The following SEMA5A variants were observed in gnomAD, a reference collection of about 807,000 sequenced individuals.
SEMA5A encodes the protein semaphorin 5A, also known as semaphorin-5A.
Under a neutral mutation model 135.5 loss-of-function variants are expected in SEMA5A, and 55 were observed. The ratio of observed to expected loss-of-function variants is 0.41; its 90% CI spans 0.33 to 0.51. SEMA5A has a LOEUF of 0.51. SEMA5A is among the 20% of genes least tolerant of loss of function. The probability of loss-of-function intolerance (pLI) is 0.37; values close to 1 mark genes in which losing one functional copy is unlikely to be tolerated. For synonymous variants in SEMA5A, 580 were observed against 546.5 expected, an observed-to-expected ratio of 1.06 and a Z score of -0.85; for missense variants, 1,290 against 1,419.9, an observed-to-expected ratio of 0.91 and a Z score of 1.47.
intron 12 of SEMA5A, among the ~76,000 whole-genome samples, chr5:9,145,028 T>A (rs1160024807): frequency 6.6e-6 from 1 of 150,622 alleles, no homozygotes; most frequent in African/African-American, 2.4e-5. Context: ...CATTTTTACT[T>A]TTTTTTTTTC....
intron 8 of SEMA5A, among the ~76,000 whole-genome samples, chr5:9,217,512 A>G (rs1746696364): frequency 6.6e-6 from 1 of 152,120 alleles, no homozygotes; most frequent in African/African-American, 2.4e-5. Context: ...CATTCTCTGT[A>G]TTTCCTAAAT....
In SEMA5A at chr5:9,433,984, G is replaced by T. The variant is rs377069166; in HGVS notation, c.-78+3772C>A. On this transcript the variant is annotated intron_variant, in intron 2 of 22. Transcript: ENST00000382496. ...ACAATTGCTATTGTTTTTGAAGCAT[G>T]TACTTCATGCACCAAATACAGTGAC... Among the ~76,000 whole-genome samples, 14 of 152,238 alleles carry T rather than the reference G, an allele frequency of 9.2e-5. No homozygotes were observed. The East Asian group carries it at 9.7e-4, about 11-fold the overall frequency.
chr5:9,267,779 C>A (rs1355634562), intron 5 of SEMA5A, among the ~76,000 whole-genome samples: 1 of 151,924 alleles, frequency 6.6e-6, no homozygotes, highest in Non-Finnish European at 1.5e-5. Flanking sequence ...TGGGCATGGG[C>A]GAAGTGGATA....
chr5:9,396,748 C>T (rs1223926191), intron 2 of SEMA5A, among the ~76,000 whole-genome samples: 3 of 152,302 alleles, frequency 2.0e-5, no homozygotes, highest in Non-Finnish European at 4.4e-5. Flanking sequence ...CTGCAAGCCT[C>T]GGTTTTCTTC....
At position 9,042,798 on chromosome 5, in the gene SEMA5A, A is replaced by G. The variant is rs1736031936; in HGVS notation, c.*99T>C. On this transcript the variant is annotated 3_prime_UTR_variant, in exon 23 of 23. Transcript: ENST00000382496. ...GTGGCTTGAAATGCACTTGAAATGTATCCAAACTTCGACTCTGAAGCCTCA... is the reference window on the plus strand; with the variant it reads ...GTGGCTTGAAATGCACTTGAAATGTGTCCAAACTTCGACTCTGAAGCCTCA... 1.4e-6 allele frequency: 2 copies of G among 1,452,582 alleles called. No individual in the cohort carries two copies. The highest frequency in any genetic ancestry group is 1.9e-6 in the Non-Finnish European group (2 of 1,047,958). The allele number at this position is 1,452,582 out of a possible 1,614,324, so 90.0% of individuals were successfully genotyped here. A position where few individuals can be genotyped will look rare whatever the true frequency, so the allele number is the denominator to read the frequency against.
At chr5:9,398,611 C>T (rs754543307) in intron 2 of SEMA5A, among the ~76,000 whole-genome samples, 1 of 152,210 alleles carries the variant, frequency 6.6e-6, no homozygotes, top group Non-Finnish European at 1.5e-5. Flanking sequence ...TGAAGAACTG[C>T]AATTCAGGTA....
intron 1 of SEMA5A, among the ~76,000 whole-genome samples, chr5:9,494,682 T>A (rs888629289): frequency 2.6e-5 from 4 of 151,770 alleles, no homozygotes; most frequent in Non-Finnish European, 5.9e-5. Flanking sequence ...CCTAATTTTT[T>A]AATTCTGTGC....
chr5:9,520,961 C>T (rs144854947), intron 1 of SEMA5A, among the ~76,000 whole-genome samples: 1 of 152,152 alleles, frequency 6.6e-6, no homozygotes, highest in African/African-American at 2.4e-5. Flanking sequence ...TAGAGCGTGG[C>T]CTTCAGTGAG....
chr5:9,389,636 T>G (rs1187916727), intron 2 of SEMA5A, among the ~76,000 whole-genome samples: 2 of 152,126 alleles, frequency 1.3e-5, no homozygotes, highest in Non-Finnish European at 2.9e-5. Context: ...TTAGAACCCA[T>G]GCCCTCCTCT....
intron 5 of SEMA5A, among the ~76,000 whole-genome samples, chr5:9,248,961 A>G (rs1370241251): frequency 6.6e-6 from 1 of 152,200 alleles, no homozygotes; most frequent in Non-Finnish European, 1.5e-5. Flanking sequence ...CACAGCAGCC[A>G]TACAAAACTA....
intron 2 of SEMA5A, among the ~76,000 whole-genome samples, chr5:9,432,084 A>G (rs971341450): frequency 2.6e-5 from 4 of 152,204 alleles, no homozygotes; most frequent in Admixed American, 2.6e-4. Flanking sequence ...ATTCCAATGC[A>G]TTCTGATGGA....
intron 2 of SEMA5A, among the ~76,000 whole-genome samples, chr5:9,434,503 C>T (rs997887242): frequency 2.6e-5 from 4 of 151,940 alleles, no homozygotes; most frequent in Admixed American, 6.6e-5. Flanking sequence ...AGTGCAAACA[C>T]CTGTACTCCA....
chr5:9,226,845 T>C (rs761027555), intron 7 of SEMA5A, 24 bp downstream of exon 7: 12 of 1,573,536 alleles, frequency 7.6e-6, no homozygotes, highest in Non-Finnish European at 8.7e-6. Context: ...TTAAATTCTT[T>C]TGAGGCACAA....
chr5:9,389,626 T>C (rs757701642), intron 2 of SEMA5A, among the ~76,000 whole-genome samples: 2 of 152,128 alleles, frequency 1.3e-5, no homozygotes, highest in African/African-American at 2.4e-5. Flanking sequence ...TTACCCACAT[T>C]TAGAACCCAT....
intron 5 of SEMA5A, among the ~76,000 whole-genome samples, chr5:9,292,358 T>G (rs1456751574): frequency 6.6e-6 from 1 of 152,124 alleles, no homozygotes; most frequent in Non-Finnish European, 1.5e-5. Flanking sequence ...TCTAAAACCT[T>G]AAGGAAAACA....
intron 3 of SEMA5A, among the ~76,000 whole-genome samples, chr5:9,378,704 T>C (rs548176970): frequency 2.0e-5 from 3 of 152,322 alleles, no homozygotes; most frequent in Non-Finnish European, 4.4e-5. Flanking sequence ...TCAAGAAATA[T>C]ACCAACCAAT....
intron 13 of SEMA5A, among the ~76,000 whole-genome samples, chr5:9,135,142 T>TTGC (rs1026199245): frequency 5.9e-5 from 9 of 151,810 alleles, no homozygotes; most frequent in African/African-American, 2.2e-4. Flanking sequence ...CCAGACTTCC[T>TTGC]TGCTTCATCC....
At chr5:9,484,144 T>C (rs1048421399) in intron 1 of SEMA5A, among the ~76,000 whole-genome samples, 2 of 152,238 alleles carry the variant, frequency 1.3e-5, no homozygotes, top group Non-Finnish European at 2.9e-5. Flanking sequence ...GAACAGATTT[T>C]CAACTTGAAA....
At chr5:9,373,784 G>T (rs982116001) in intron 3 of SEMA5A, among the ~76,000 whole-genome samples, 5 of 152,174 alleles carry the variant, frequency 3.3e-5, no homozygotes, top group Non-Finnish European at 5.9e-5. Context: ...AGTACAGCAT[G>T]ACTCACATCA....
Sources: gnomAD v4.1 joint callset for allele counts (sites outside exome capture counted in the v4.1 genomes callset) on GRCh38, gnomAD v4.1.1 for gene constraint, MANE v1.5 for transcripts, NCBI Gene and HGNC (gene_info 2026-07-23, HGNC 2026-07-21) for gene names.